IGSF22: variants seen among roughly 807,000 people sequenced by gnomAD.
The protein encoded by IGSF22 is immunoglobulin superfamily, member 22.
A neutral mutation model predicts 127.0 loss-of-function variants in IGSF22; 119 were observed. That is an observed-to-expected ratio of 0.94 (90% confidence interval 0.81 to 1.09). The LOEUF is 1.09. Among genes scored for constraint, IGSF22 ranks in the 50% least tolerant of loss-of-function variants. The probability of loss-of-function intolerance (pLI) is 0.00; values close to 1 mark genes in which losing one functional copy is unlikely to be tolerated. For missense variants in IGSF22, 1,518 were observed against 1,716.6 expected (o/e 0.88, Z 2.04); for synonymous variants, 568 against 664.7 (o/e 0.85, Z 2.24).
In IGSF22 at chr11:18,710,708, C is replaced by T. The variant is rs548983003; in HGVS notation, c.2519G>A (p.Arg840Gln). ...CCACAGGTTGCTGCCTTTCTTCCTT[C>T]GTTCTACAATGTAGCCGAGCACTGG... ...GAPVLGYIVE[R>Q]RKKGSNLWVP... The change falls in exon 16 of 23, where the codon CGA (arginine) becomes CAA (glutamine). Residue 840 changes from arginine (R) to glutamine (Q), a missense_variant. This residue lies in a region of IGSF22 where 1,456 missense variants were observed against 1,644.9 expected (regional missense o/e 0.89). Coordinates refer to ENST00000513874, the MANE Select transcript of IGSF22 (RefSeq NM_173588.4). 188 of 1,613,946 alleles carry T rather than the reference C, an allele frequency of 1.2e-4. 1 individual carries two copies. In the South Asian group the frequency reaches 1.7e-3, roughly 14 times the overall value.
Position 18,716,730 on chromosome 11 carries a change from T to A in IGSF22, c.1244A>T (p.Asp415Val). 6.2e-7 allele frequency: 1 copy of A among 1,613,384 alleles called. No individual in the cohort carries two copies. Among genetic ancestry groups the A allele is most frequent in the Non-Finnish European group, 8.5e-7 (1 of 1,179,342 alleles). Residue 415 changes from aspartate to valine, a missense_variant and splice_region_variant, in exon 10 of 23, where the codon GAC becomes GTC. Physicochemically the swap from Asp to Val is radical, Grantham distance 152 (BLOSUM62 -3). This residue lies in a region of IGSF22 where 1,456 missense variants were observed against 1,644.9 expected (regional missense o/e 0.89). Transcript: ENST00000513874. This position sits in a 1 kb window ranked among gnomAD's most constrained non-coding sequence, Gnocchi z 4.5. ...TAGGCTCTTGCCCAACCACTCACGG[T>A]CAACAGTGAGCTGGGCCTTTTGTAC... is the stretch of plus-strand genomic sequence containing the variant. ...NLVQKAQLTV[D>V]RIPIKFVSNL...
At chr11:18,707,285 C>CA (rs1457293725) in intron 20 of IGSF22, 72 bp from the exon 21 acceptor site, 2 of 1,341,150 alleles carry the variant, frequency 1.5e-6, no homozygotes, top group African/African-American at 2.9e-5. Flanking sequence ...CAGCCATCTG[C>CA]CAAGTCCGAT....
In IGSF22 at chr11:18,717,947, T is replaced by C. The variant is rs763747190; in HGVS notation, c.957A>G (p.Ala319=). 1 of 1,614,178 alleles carries C rather than the reference T, an allele frequency of 6.2e-7. No homozygotes were observed. The highest frequency in any genetic ancestry group is 8.5e-7 in the Non-Finnish European group (1 of 1,179,998). The part of the protein sequence containing the change: ...SLSVGDKRMS[A]ELTVLDEPLK... ...CACTCATACCCAGCACTGTGAGCTC[T>C]GCACTCATCCGCTTATCGCCCACGG... Residue 319 remains alanine (A), a synonymous_variant, in exon 9 of 23, where the codon GCA becomes GCG. Coordinates refer to ENST00000513874, the MANE Select transcript of IGSF22 (RefSeq NM_173588.4).
Position 18,721,546 on chromosome 11 carries a change from G to A in IGSF22, c.367C>T (p.His123Tyr), listed in dbSNP as rs769949141. ...CTTGGCCCCCGCACCTTCAGCACGT[G>A]TTCCTTGTTAATGCTGTCGTAGAAT... ...KIFYDSINKE[H>Y]VLKLEPLTSD... Residue 123 changes from histidine (H) to tyrosine (Y), a missense_variant, in exon 4 of 23, where the codon CAC becomes TAC. His to Tyr is a moderately conservative substitution (Grantham distance 83). This residue lies in a region of IGSF22 where 1,456 missense variants were observed against 1,644.9 expected (regional missense o/e 0.89). Transcript: ENST00000513874. 3.1e-6 allele frequency: 5 copies of A among 1,614,256 alleles called. No individual in the cohort carries two copies. The Admixed American group carries it at 6.7e-5, about 22-fold the overall frequency.
chr11:18,724,020 G>A, intron 2 of IGSF22, 108 bp downstream of exon 2: 1 of 753,974 alleles, frequency 1.3e-6, no homozygotes, highest in Non-Finnish European at 2.3e-6. Flanking sequence ...TTGGTATTGT[G>A]GGCTCCAGAG....
At position 18,710,715 on chromosome 11, in the gene IGSF22, C is replaced by CA; in HGVS notation, c.2511dup (p.Val838CysfsTer36). 1 of 1,614,162 alleles carries CA rather than the reference C, an allele frequency of 6.2e-7. No homozygotes were observed. The highest frequency in any genetic ancestry group is 8.5e-7 in the Non-Finnish European group (1 of 1,179,986). ...TTGCTGCCTTTCTTCCTTCGTTCTA[C>CA]AATGTAGCCGAGCACTGGGGCTCCC... On this transcript the variant is annotated frameshift_variant, in exon 16 of 23. Transcript: ENST00000513874. LOFTEE classifies it high-confidence loss of function.
Position 18,709,780 on chromosome 11 carries a change from A to G in IGSF22, c.2702-97T>C. 2 of 1,254,118 alleles carry G rather than the reference A, an allele frequency of 1.6e-6. No homozygotes were observed. Among genetic ancestry groups the G allele is most frequent in the Middle Eastern group, 3.9e-4 (2 of 5,188 alleles). The allele number at this position is 1,254,118 out of a possible 1,614,324, so 77.7% of individuals were successfully genotyped here. ...TCAATACTCCTGAACCCCATCCTTC[A>G]CTACTTCTAGCTCCAGATCCCTCAG... On this transcript the variant is annotated intron_variant, in intron 17 of 22. Transcript: ENST00000513874. The surrounding 1 kb of genome is among the most constrained non-coding windows in gnomAD (Gnocchi z 4.8).
rs372000817 is a variant in IGSF22, at chr11:18,710,656, C to G, written c.2571G>C (p.Gln857His). The stretch of plus-strand genomic sequence containing the variant: ...GGGCCTCTGTTCCAAGGACCTCACC[C>G]TGGATGGGGTCCTTGTTGACTGGCA... ...LWVPVNKDPIQGTKCTVDGLL... is the reference protein window; with the variant it reads ...LWVPVNKDPIHGTKCTVDGLL... The change falls in exon 16 of 23, where the codon CAG (glutamine) becomes CAC (histidine). Residue 857 changes from glutamine to histidine, a missense_variant and splice_region_variant. Physicochemically the swap from Gln to His is conservative, Grantham distance 24 (BLOSUM62 0). Coordinates refer to ENST00000513874, the MANE Select transcript of IGSF22 (RefSeq NM_173588.4). 1 of 1,611,060 alleles carries G rather than the reference C, an allele frequency of 6.2e-7. No homozygotes were observed. The highest frequency in any genetic ancestry group is 8.5e-7 in the Non-Finnish European group (1 of 1,177,436).
At position 18,715,600 on chromosome 11, in the gene IGSF22, C is replaced by T. The variant is rs367920821; in HGVS notation, c.1363G>A (p.Gly455Arg). 8 of 1,613,972 alleles carry T rather than the reference C, an allele frequency of 5.0e-6. No individual in the cohort carries two copies. The African/African-American group carries it at 1.1e-4, about 22-fold the overall frequency. The change falls in exon 11 of 23, where the codon GGG (glycine) becomes AGG (arginine). Residue 455 changes from glycine to arginine, a missense_variant. This residue lies in a region of IGSF22 where 1,456 missense variants were observed against 1,644.9 expected (regional missense o/e 0.89). Coordinates refer to ENST00000513874, the MANE Select transcript of IGSF22 (RefSeq NM_173588.4). ...KDVTLRWKKD[G>R]QLLMHGTKYS... Reference sequence around the variant, plus strand: ...TTAGTGCCATGCATCAGCAGCTGCCCATCCTTCTTCCAGCGCAGTGTCACA... The same window carrying T: ...TTAGTGCCATGCATCAGCAGCTGCCTATCCTTCTTCCAGCGCAGTGTCACA...
At chr11:18,717,344 T>A (rs1250645086) in intron 9 of IGSF22, among the ~76,000 whole-genome samples, 3 of 152,190 alleles carry the variant, frequency 2.0e-5, no homozygotes, top group Non-Finnish European at 4.4e-5. Context: ...AGAAGTTAAA[T>A]AACTTGACCT....
chr11:18,712,071 A>G lies in IGSF22; in HGVS notation c.2398+11T>C. ...TGGGTTCCCCACTGAGCACCAGGCT[A>G]TCTCACTGACCTATGGGATTTCCTG... On this transcript the variant is annotated intron_variant, in intron 15 of 22. Transcript: ENST00000513874. 1.3e-6 allele frequency: 2 copies of G among 1,543,542 alleles called. No individual in the cohort carries two copies. The highest frequency in any genetic ancestry group is 1.8e-6 in the Non-Finnish European group (2 of 1,141,296).
Position 18,707,016 on chromosome 11 carries a change from G to A in IGSF22, c.3478C>T (p.Leu1160Phe). The change falls in exon 21 of 23, where the codon CTC (leucine) becomes TTC (phenylalanine). Residue 1160 changes from leucine to phenylalanine, a missense_variant. Leu to Phe is a conservative substitution (Grantham distance 22). Around this residue, in one of 3 missense-constraint regions of IGSF22, gnomAD observed 1,456 missense variants for 1,644.9 expected, o/e 0.89. Coordinates refer to ENST00000513874, the MANE Select transcript of IGSF22 (RefSeq NM_173588.4). ...CTGAAGTAGTACTTCCTGCCTGGGA[G>A]CAGCCCCGTCACTGTGTACTTGTTG... ...FSNKYTVTGLLPGRKYYFRVV... is the reference protein window; with the variant it reads ...FSNKYTVTGLFPGRKYYFRVV... 6.4e-7 allele frequency: 1 copy of A among 1,551,516 alleles called. No homozygotes were observed. The highest frequency in any genetic ancestry group is 1.2e-5 in the South Asian group (1 of 84,026).
chr11:18,706,638 T>G (rs1298155282), intron 21 of IGSF22: 2 of 309,006 alleles, frequency 6.5e-6, no homozygotes, highest in Non-Finnish European at 1.1e-5. Flanking sequence ...GACCCTCCCC[T>G]CAGAGCAGAA....
chr11:18,710,696 C>T lies in IGSF22; in HGVS notation c.2531G>A (p.Gly844Asp), dbSNP rs779131825. 6.2e-7 allele frequency: 1 copy of T among 1,613,948 alleles called. No individual in the cohort carries two copies. Among genetic ancestry groups the T allele is most frequent in the Non-Finnish European group, 8.5e-7 (1 of 1,179,780 alleles). ...LGYIVERRKKGSNLWVPVNKD... is the reference protein window; with the variant it reads ...LGYIVERRKKDSNLWVPVNKD... Reference sequence around the variant, plus strand: ...GTTGACTGGCACCCACAGGTTGCTGCCTTTCTTCCTTCGTTCTACAATGTA... The same window carrying T: ...GTTGACTGGCACCCACAGGTTGCTGTCTTTCTTCCTTCGTTCTACAATGTA... The change falls in exon 16 of 23, where the codon GGC becomes GAC. Residue 844 changes from glycine (G) to aspartate (D), a missense_variant. Gly to Asp is a moderately conservative substitution (Grantham distance 94, BLOSUM62 -1). Coordinates refer to ENST00000513874, the MANE Select transcript of IGSF22 (RefSeq NM_173588.4).
chr11:18,720,497 T>C (rs992461088), intron 4 of IGSF22, among the ~76,000 whole-genome samples: 1 of 152,036 alleles, frequency 6.6e-6, no homozygotes, highest in Non-Finnish European at 1.5e-5. Context: ...TCCATAGCAA[T>C]AAAACTGTCT....
chr11:18,713,990 G>A lies in IGSF22; in HGVS notation c.1957C>T (p.Arg653Cys), dbSNP rs138337552. Residue 653 changes from arginine (R) to cysteine (C), a missense_variant, in exon 14 of 23, where the codon CGC becomes TGC. By Grantham distance (180) the Arg-to-Cys change is radical (BLOSUM62 -3). Around this residue, in one of 3 missense-constraint regions of IGSF22, gnomAD observed 1,456 missense variants for 1,644.9 expected, o/e 0.89. Transcript: ENST00000513874. ...TCTTCCCCGCGCTCCATGGACACGCGTTCCTCCTCCGTCACTTCCATGCCA... is the reference window on the plus strand; with the variant it reads ...TCTTCCCCGCGCTCCATGGACACGCATTCCTCCTCCGTCACTTCCATGCCA... ...KDGMEVTEEE[R>C]VSMERGEDQA... 1,180 of 1,614,270 alleles carry A rather than the reference G, an allele frequency of 7.3e-4. No individual in the cohort carries two copies. The highest frequency in any genetic ancestry group is 1.1e-3 in the Admixed American group (66 of 60,032).
At position 18,707,190 on chromosome 11, in the gene IGSF22, G is replaced by A. The variant is rs371199923; in HGVS notation, c.3304C>T (p.Leu1102=). 3 of 1,538,176 alleles carry A rather than the reference G, an allele frequency of 2.0e-6. No individual in the cohort carries two copies. The highest frequency in any genetic ancestry group is 2.5e-5 in the East Asian group (1 of 40,682). Residue 1102 remains leucine, a synonymous_variant, in exon 21 of 23, where the codon CTA becomes TTA. Coordinates refer to ENST00000513874, the MANE Select transcript of IGSF22 (RefSeq NM_173588.4). ...VADFPRPPTN[L]RLFEEVPNTV... Reference sequence around the variant, plus strand: ...TTGGGGACTTCCTCAAACAACCGTAGGTTTGTGGGGGGCCGAGGGAAATCT... The same window carrying A: ...TTGGGGACTTCCTCAAACAACCGTAAGTTTGTGGGGGGCCGAGGGAAATCT...
rs922729846 is a variant in IGSF22, at chr11:18,707,024, G to A, written c.3470C>T (p.Thr1157Met). The A allele has an allele frequency of 3.3e-5, 51 of 1,551,452 alleles. No homozygotes were observed. The highest frequency in any genetic ancestry group is 2.2e-4 in the Admixed American group (11 of 50,958). Reference sequence around the variant, plus strand: ...GTACTTCCTGCCTGGGAGCAGCCCCGTCACTGTGTACTTGTTGCTGAAGAC... The same window carrying A: ...GTACTTCCTGCCTGGGAGCAGCCCCATCACTGTGTACTTGTTGCTGAAGAC... ...ERVFSNKYTV[T>M]GLLPGRKYYF... Residue 1157 changes from threonine (T) to methionine (M), a missense_variant, in exon 21 of 23, where the codon ACG becomes ATG. Thr to Met is a moderately conservative substitution (Grantham distance 81). Transcript: ENST00000513874.
At chr11:18,708,038 A>T (rs370262855) in intron 19 of IGSF22, 42 bp from the exon 20 acceptor site, 6 of 1,607,646 alleles carry the variant, frequency 3.7e-6, no homozygotes, top group Non-Finnish European at 4.3e-6. Context: ...CACACAGATG[A>T]TATTTGGGGG....
Sources: allele counts gnomAD v4.1 joint callset (sites outside exome capture counted in the v4.1 genomes callset), GRCh38; gene constraint gnomAD v4.1.1; regional missense constraint gnomAD v4.1.1; non-coding constraint Gnocchi (gnomAD v3.1); transcripts MANE v1.5; gene names NCBI Gene and HGNC (gene_info 2026-07-23, HGNC 2026-07-21).